The following NPEPPS variants were observed in gnomAD, a reference collection of about 807,000 sequenced individuals.
NPEPPS encodes the protein puromycin-sensitive aminopeptidase.
In NPEPPS, 14 loss-of-function variants were observed where a neutral mutation model predicts 115.5. The observed-to-expected ratio is 0.12, with a 90% confidence interval of 0.08 to 0.19. The LOEUF (loss-of-function observed/expected upper bound fraction) is 0.19. Ranked by LOEUF, NPEPPS falls within the 10% of genes least tolerant of loss-of-function variation. The probability of loss-of-function intolerance (pLI) is 1.00; values close to 1 mark genes in which losing one functional copy is unlikely to be tolerated. For missense variants in NPEPPS, 523 were observed against 1,110.8 expected, an observed-to-expected ratio of 0.47 and a Z score of 7.52; for synonymous variants, 285 against 390.6, an observed-to-expected ratio of 0.73 and a Z score of 3.19.
rs537416607 is a variant in NPEPPS at position 47,539,872 on chromosome 17, T to C, written c.256-6037T>C. 7.2e-5 allele frequency among the ~76,000 whole-genome samples: 11 copies of C among 152,292 alleles called. No individual in the cohort carries two copies. The East Asian group carries it at 2.1e-3, about 29-fold the overall frequency. Reference sequence around the variant, plus strand: ...GTTCCACCAAGGCAACAATTATTGCTATTTTAATGGTGAAATCAGTTTTAT... The same window carrying C: ...GTTCCACCAAGGCAACAATTATTGCCATTTTAATGGTGAAATCAGTTTTAT... On this transcript the variant is annotated intron_variant, in intron 1 of 22. Coordinates refer to ENST00000322157, the MANE Select transcript of NPEPPS (RefSeq NM_006310.4).
chr17:47,569,400 T>A lies in NPEPPS; in HGVS notation c.341-17T>A. 6.6e-7 allele frequency: 1 copy of A among 1,508,534 alleles called. No homozygotes were observed. The highest frequency in any genetic ancestry group is 9.2e-7 in the Non-Finnish European group (1 of 1,089,784). The allele number at this position is 1,508,534 out of a possible 1,614,324, so 93.4% of individuals were successfully genotyped here. On this transcript the variant is annotated splice_polypyrimidine_tract_variant and intron_variant, in intron 2 of 22. Coordinates refer to ENST00000322157, the MANE Select transcript of NPEPPS (RefSeq NM_006310.4). Reference sequence around the variant, plus strand: ...AGTCCAGTCAGAATTGTAAAGTAATTTTTTTTCTCATTCCAGAAATACATG... The same window carrying A: ...AGTCCAGTCAGAATTGTAAAGTAATATTTTTTCTCATTCCAGAAATACATG...
chr17:47,596,019 G>GGT (rs1912852266), intron 12 of NPEPPS: 1 of 169,930 alleles, frequency 5.9e-6, no homozygotes, highest in African/African-American at 2.4e-5. Flanking sequence ...CAGGTGTTGT[G>GGT]GTGTGCACCT....
At chr17:47,544,739 A>G (rs1302298167) in intron 1 of NPEPPS, among the ~76,000 whole-genome samples, 3 of 112,444 alleles carry the variant, frequency 2.7e-5, no homozygotes, top group African/African-American at 1.0e-4. Flanking sequence ...TTTGAGACGT[A>G]GGCTCACTCT....
chr17:47,615,420 G>A (rs1183718134), intron 19 of NPEPPS, among the ~76,000 whole-genome samples: 1 of 152,088 alleles, frequency 6.6e-6, no homozygotes, highest in Admixed American at 6.6e-5. Flanking sequence ...AGCTGGGCAC[G>A]GTGGCATGCA....
At chr17:47,527,407 C>G (rs539419488), upstream of NPEPPS, among the ~76,000 whole-genome samples, 1 of 151,622 alleles carries the variant, frequency 6.6e-6, no homozygotes, top group Non-Finnish European at 1.5e-5. Context: ...TTGCTTGAAC[C>G]CAGGAGGTGG....
intron 3 of NPEPPS, among the ~76,000 whole-genome samples, chr17:47,573,432 T>C (rs1003087252): frequency 6.6e-6 from 1 of 152,222 alleles, no homozygotes; most frequent in African/African-American, 2.4e-5. Flanking sequence ...CAACTTTGAA[T>C]TTCGGAGTAA....
At chr17:47,545,268 A>G (rs1909118160) in intron 1 of NPEPPS, among the ~76,000 whole-genome samples, 2 of 152,180 alleles carry the variant, frequency 1.3e-5, no homozygotes, top group African/African-American at 2.4e-5. Context: ...AAGTGTTGGG[A>G]TTACAGGCAT....
At chr17:47,529,058 T>G (rs1907548990), upstream of NPEPPS, among the ~76,000 whole-genome samples, 1 of 152,228 alleles carries the variant, frequency 6.6e-6, no homozygotes, top group East Asian at 1.9e-4. Flanking sequence ...ACTATAAGAT[T>G]TAATACTACC....
At chr17:47,564,752 C>T (rs1376104655) in intron 2 of NPEPPS, among the ~76,000 whole-genome samples, 1 of 151,632 alleles carries the variant, frequency 6.6e-6, no homozygotes, top group Non-Finnish European at 1.5e-5. Flanking sequence ...TCATATGCAT[C>T]TTCAGTATTT....
rs897244106 is a variant in NPEPPS at position 47,558,958 on chromosome 17, C to G, written c.341-10459C>G. ...CTGAGGCAGGAGAATTGCTTGAACCCGGGAGGCGGACGGAGGTTGCAGTGA... is the reference window on the plus strand; with the variant it reads ...CTGAGGCAGGAGAATTGCTTGAACCGGGGAGGCGGACGGAGGTTGCAGTGA... On this transcript the variant is annotated intron_variant, in intron 2 of 22. Coordinates refer to ENST00000322157, the MANE Select transcript of NPEPPS (RefSeq NM_006310.4). Among the ~76,000 whole-genome samples, 15 of 151,902 alleles carry G rather than the reference C, an allele frequency of 9.9e-5. No individual in the cohort carries two copies. The East Asian group carries it at 2.9e-3, about 30-fold the overall frequency.
rs1914015409 is a variant in NPEPPS, at chr17:47,613,675, C to T, written c.2245C>T (p.Leu749=). The T allele has an allele frequency of 1.2e-6, 2 of 1,610,114 alleles. No homozygotes were observed. The highest frequency in any genetic ancestry group is 1.1e-5 in the South Asian group (1 of 90,910). ...TATTTTTTGTCCCTTGTAGGTCTAT[C>T]TGACTGTTTTGAAGCATGGTGATGG... is the stretch of plus-strand genomic sequence containing the variant. ...LSADLRSPVY[L]TVLKHGDGTT... is the part of the protein sequence containing the mutation. The change falls in exon 19 of 23, where the codon CTG becomes TTG. Residue 749 remains leucine, a synonymous_variant. Coordinates refer to ENST00000322157, the MANE Select transcript of NPEPPS (RefSeq NM_006310.4).
At chr17:47,612,237 G>A (rs1447352353) in intron 17 of NPEPPS, among the ~76,000 whole-genome samples, 1 of 152,166 alleles carries the variant, frequency 6.6e-6, no homozygotes, top group African/African-American at 2.4e-5. Flanking sequence ...ATTCGTGACT[G>A]TAGATAAAGT....
intron 1 of NPEPPS, among the ~76,000 whole-genome samples, chr17:47,533,629 A>AG: frequency 6.6e-6 from 1 of 152,320 alleles, no homozygotes; most frequent in Admixed American, 6.5e-5. Context: ...TACTTATTAA[A>AG]GAAGTGAGTT....
intron 3 of NPEPPS, among the ~76,000 whole-genome samples, chr17:47,574,170 T>G (rs1357359287): frequency 2.0e-5 from 3 of 152,106 alleles, no homozygotes; most frequent in Non-Finnish European, 4.4e-5. Flanking sequence ...GACTGAAAAT[T>G]AATTAGCTAA....
At chr17:47,584,167 G>T (rs1395739726) in intron 5 of NPEPPS, among the ~76,000 whole-genome samples, 1 of 149,428 alleles carries the variant, frequency 6.7e-6, no homozygotes, top group African/African-American at 2.5e-5. Context: ...GCTGCAGTGA[G>T]TTGAGATCGC....
At chr17:47,589,716 C>T (rs1191799827) in intron 9 of NPEPPS, among the ~76,000 whole-genome samples, 4 of 152,136 alleles carry the variant, frequency 2.6e-5, no homozygotes, top group South Asian at 2.1e-4. Flanking sequence ...ATTTTATATT[C>T]CATAAGTGCT....
chr17:47,622,688 T>C lies in NPEPPS; in HGVS notation c.*768T>C. Reference sequence around the variant, plus strand: ...TAAGGAAACATCTTTCATAGCCACATTAAATAAGAGAAACTGATATACATT... The same window carrying C: ...TAAGGAAACATCTTTCATAGCCACACTAAATAAGAGAAACTGATATACATT... On this transcript the variant is annotated 3_prime_UTR_variant, in exon 23 of 23. Coordinates refer to ENST00000322157, the MANE Select transcript of NPEPPS (RefSeq NM_006310.4). The C allele has an allele frequency of 2.8e-6, 1 of 358,044 alleles. No homozygotes were observed. Among genetic ancestry groups the C allele is most frequent in the Non-Finnish European group, 5.3e-6 (1 of 190,466 alleles). The allele number at this position is 358,044 out of a possible 1,614,324, so 22.2% of individuals were successfully genotyped here.
At chr17:47,532,658 C>CA (rs898672269) in intron 1 of NPEPPS, among the ~76,000 whole-genome samples, 4,697 of 44,722 alleles carry the variant, frequency 0.11, 183 homozygotes, top group East Asian at 0.19. Flanking sequence ...GACTCCGTCT[C>CA]AAAAAAAAAA....
upstream of NPEPPS, among the ~76,000 whole-genome samples, chr17:47,529,278 A>C (rs1013006721): frequency 1.8e-4 from 27 of 151,990 alleles, no homozygotes; most frequent in African/African-American, 6.0e-4. Flanking sequence ...TCACTCTGTC[A>C]TCTGGAGTGC....
Sources: allele counts gnomAD v4.1 joint callset (sites outside exome capture counted in the v4.1 genomes callset), GRCh38; gene constraint gnomAD v4.1.1; transcripts MANE v1.5; gene names NCBI Gene and HGNC (gene_info 2026-07-23, HGNC 2026-07-21).